The following EHBP1 variants were observed in gnomAD, a reference collection of about 807,000 sequenced individuals.
The protein encoded by EHBP1 is EH domain binding protein 1.
Under a neutral mutation model 144.0 loss-of-function variants are expected in EHBP1, and 55 were observed. That is an observed-to-expected ratio of 0.38 (90% confidence interval 0.31 to 0.48). The LOEUF is 0.48. EHBP1 is among the 20% of genes least tolerant of loss of function. The pLI is 0.98. For synonymous variants in EHBP1, 469 were observed against 472.7 expected (o/e 0.99, Z 0.10); for missense variants, 1,200 against 1,364.2 (o/e 0.88, Z 1.90).
intron 10 of EHBP1, among the ~76,000 whole-genome samples, chr2:62,894,480 G>A (rs564920071): frequency 6.6e-6 from 1 of 151,998 alleles, no homozygotes; most frequent in Non-Finnish European, 1.5e-5. Context: ...AAGGATAATT[G>A]GAGTTCACTA....
At chr2:62,892,008 A>G (rs1233698627) in intron 10 of EHBP1, among the ~76,000 whole-genome samples, 1 of 152,160 alleles carries the variant, frequency 6.6e-6, no homozygotes, top group Non-Finnish European at 1.5e-5. Flanking sequence ...GTATTACTGT[A>G]TAGTAAAATA....
intron 2 of EHBP1, among the ~76,000 whole-genome samples, chr2:62,708,469 C>T (rs895500444): frequency 3.3e-5 from 5 of 152,118 alleles, no homozygotes; most frequent in African/African-American, 4.8e-5. Flanking sequence ...TAATCTGTCT[C>T]GATACAGTTG....
chr2:62,907,792 C>A (rs2053919982), intron 10 of EHBP1, among the ~76,000 whole-genome samples: 1 of 152,160 alleles, frequency 6.6e-6, no homozygotes, highest in South Asian at 2.1e-4. Context: ...ATCTGTCTGT[C>A]CTCTTTGGTG....
At chr2:62,702,654 G>C (rs1416521255), upstream of EHBP1, among the ~76,000 whole-genome samples, 1 of 152,192 alleles carries the variant, frequency 6.6e-6, no homozygotes, top group African/African-American at 2.4e-5. Context: ...GAATTAATGG[G>C]AGATAAATAA....
chr2:62,974,404 T>C (rs896967523), intron 14 of EHBP1, among the ~76,000 whole-genome samples: 2 of 152,184 alleles, frequency 1.3e-5, no homozygotes, highest in African/African-American at 4.8e-5. Flanking sequence ...TATAGAAAAT[T>C]AGAAAATGAG....
At chr2:62,754,630 T>TCAAGTTCGC (rs1180891814) in intron 3 of EHBP1, among the ~76,000 whole-genome samples, 1 of 152,192 alleles carries the variant, frequency 6.6e-6, no homozygotes, top group Non-Finnish European at 1.5e-5. Flanking sequence ...TGAGCTGCGG[T>TCAAGTTCGC]GGGCTCCACC....
In EHBP1 at chr2:62,990,837, G is replaced by A; in HGVS notation, c.2730G>A (p.Met910Ile). 3 of 1,611,840 alleles carry A rather than the reference G, an allele frequency of 1.9e-6. No homozygotes were observed. The highest frequency in any genetic ancestry group is 2.5e-6 in the Non-Finnish European group (3 of 1,178,990). ...TAACTGAGAGCTCAGAGCAGGACAT[G>A]AAAGTAAGTCTTACTTGTTTAAAAC... ...KAVTESSEQD[M>I]KSGTEDLRTE... The change falls in exon 16 of 23, where the codon ATG becomes ATA. Residue 910 changes from methionine to isoleucine, a missense_variant. Physicochemically the swap from Met to Ile is conservative, Grantham distance 10 (BLOSUM62 1). This residue lies in a region of EHBP1 where 543 missense variants were observed against 513.1 expected (regional missense o/e 1.06). Coordinates refer to ENST00000431489, the MANE Select transcript of EHBP1 (RefSeq NM_001142616.3).
At chr2:62,953,707 C>A (rs1011877903) in intron 13 of EHBP1, among the ~76,000 whole-genome samples, 4 of 150,042 alleles carry the variant, frequency 2.7e-5, no homozygotes. Context: ...TTATTTTTTT[C>A]TTTTTAACTT....
chr2:62,976,733 C>T (rs1247929836), intron 14 of EHBP1, among the ~76,000 whole-genome samples: 1 of 152,158 alleles, frequency 6.6e-6, no homozygotes, highest in Non-Finnish European at 1.5e-5. Flanking sequence ...CATAGTCTGA[C>T]CTCACATCCT....
chr2:62,983,428 A>G (rs559423008), intron 15 of EHBP1, among the ~76,000 whole-genome samples: 3 of 152,076 alleles, frequency 2.0e-5, no homozygotes, highest in Non-Finnish European at 4.4e-5. Context: ...ACATGTATAT[A>G]TATTATAAAG....
intron 14 of EHBP1, among the ~76,000 whole-genome samples, chr2:62,968,329 G>C (rs1288635571): frequency 6.6e-6 from 1 of 152,110 alleles, no homozygotes; most frequent in East Asian, 1.9e-4. Context: ...GCTTTATTAA[G>C]AGACAACTTG....
intron 9 of EHBP1, 96 bp downstream of exon 9, chr2:62,865,067 A>T: frequency 1.5e-6 from 2 of 1,342,416 alleles, no homozygotes; most frequent in South Asian, 2.8e-5. Flanking sequence ...ACAAATCATT[A>T]ATGTACACTT....
Position 62,993,855 on chromosome 2 carries a change from C to T in EHBP1, c.2873-16C>T. ...TTTACAATAATTTTACATGTCTTTC[C>T]TCTTTTTTTTTTAAGAGATGAAAAG... On this transcript the variant is annotated splice_polypyrimidine_tract_variant and intron_variant, in intron 17 of 22. Transcript: ENST00000431489. 6.6e-7 allele frequency: 1 copy of T among 1,509,242 alleles called. No individual in the cohort carries two copies. Among genetic ancestry groups the T allele is most frequent in the Non-Finnish European group, 8.9e-7 (1 of 1,126,234 alleles). 93.5% of individuals were successfully genotyped at this position (1,509,242 alleles called of 1,614,324 possible).
chr2:62,847,922 C>T (rs191147226), intron 7 of EHBP1, among the ~76,000 whole-genome samples: 1 of 152,054 alleles, frequency 6.6e-6, no homozygotes, highest in East Asian at 1.9e-4. Flanking sequence ...CAGGGAGATG[C>T]AAATTAAAAT....
intron 10 of EHBP1, among the ~76,000 whole-genome samples, chr2:62,881,521 A>C (rs1421078829): frequency 2.6e-5 from 4 of 152,020 alleles, no homozygotes; most frequent in Admixed American, 2.6e-4. Context: ...TAAAGCAGCT[A>C]GGCATAAGAG....
intron 10 of EHBP1, among the ~76,000 whole-genome samples, chr2:62,891,071 G>A (rs1290345973): frequency 1.3e-5 from 2 of 151,706 alleles, no homozygotes; most frequent in Non-Finnish European, 2.9e-5. Flanking sequence ...CCAGCTACTC[G>A]GGAGGCTGAG....
At chr2:62,992,399 A>G (rs906227076) in intron 16 of EHBP1, among the ~76,000 whole-genome samples, 4 of 152,158 alleles carry the variant, frequency 2.6e-5, no homozygotes, top group African/African-American at 9.6e-5. Context: ...ATTATGGTTT[A>G]TCTGTATAGA....
intron 19 of EHBP1, among the ~76,000 whole-genome samples, chr2:63,018,688 C>T (rs1044430416): frequency 2.6e-5 from 4 of 152,070 alleles, no homozygotes; most frequent in South Asian, 2.1e-4. Flanking sequence ...AGTTTCTACC[C>T]GTGATATTTA....
At chr2:62,825,776 C>T (rs924278904) in intron 5 of EHBP1, among the ~76,000 whole-genome samples, 2 of 152,062 alleles carry the variant, frequency 1.3e-5, no homozygotes, top group African/African-American at 4.8e-5. Context: ...ATCCTCTTCT[C>T]ATAGTAACCC....
Sources: allele counts gnomAD v4.1 joint callset (sites outside exome capture counted in the v4.1 genomes callset), GRCh38; gene constraint gnomAD v4.1.1; regional missense constraint gnomAD v4.1.1; transcripts MANE v1.5; gene names NCBI Gene and HGNC (gene_info 2026-07-23, HGNC 2026-07-21).